Variants in MGAT4C observed in about 807,000 individuals in gnomAD.
MGAT4C encodes alpha-1,3-mannosyl-glycoprotein 4-beta-N-acetylglucosaminyltransferase C.
MGAT4C carries 19 observed loss-of-function variants against 40.1 expected under a neutral mutation model. The ratio of observed to expected loss-of-function variants is 0.47; its 90% CI spans 0.33 to 0.70. The LOEUF is 0.70. MGAT4C is among the 30% of genes least tolerant of loss of function. The pLI is 0.02. For synonymous variants in MGAT4C, 181 were observed against 187.1 expected (o/e 0.97, Z 0.27); for missense variants, 491 against 563.2 (o/e 0.87, Z 1.30).
chr12:86,180,761 A>C (rs1888025047), intron 1 of MGAT4C, among the ~76,000 whole-genome samples: 1 of 152,140 alleles, frequency 6.6e-6, no homozygotes, highest in African/African-American at 2.4e-5. Flanking sequence ...TATCTAGGAA[A>C]TAACTAGCTT....
At chr12:86,069,049 A>G (rs1275915319) in intron 1 of MGAT4C, among the ~76,000 whole-genome samples, 2 of 152,140 alleles carry the variant, frequency 1.3e-5, no homozygotes, top group African/African-American at 4.8e-5. Context: ...ATTTCTGTCT[A>G]AAGCAGATTG....
intron 2 of MGAT4C, among the ~76,000 whole-genome samples, chr12:86,491,413 T>G (rs1472804151): frequency 1.3e-5 from 2 of 152,032 alleles, no homozygotes; most frequent in Non-Finnish European, 2.9e-5. Flanking sequence ...ACTGGCAAAC[T>G]GAATCCAGCA....
intron 2 of MGAT4C, among the ~76,000 whole-genome samples, chr12:86,541,670 A>G (rs1959168294): frequency 1.3e-5 from 2 of 152,234 alleles, no homozygotes; most frequent in African/African-American, 4.8e-5. Flanking sequence ...TTGTATTTTA[A>G]GTTAAATGTT....
chr12:86,298,861 A>G (rs894303783), intron 4 of MGAT4C, among the ~76,000 whole-genome samples: 1 of 152,162 alleles, frequency 6.6e-6, no homozygotes, highest in African/African-American at 2.4e-5. Flanking sequence ...CAATCACTCA[A>G]TAAGTGGTTA....
At chr12:86,526,776 C>A (rs892229016) in intron 2 of MGAT4C, among the ~76,000 whole-genome samples, 4 of 152,232 alleles carry the variant, frequency 2.6e-5, no homozygotes, top group African/African-American at 9.6e-5. Flanking sequence ...ACACACCAAA[C>A]CGTTTGGGTT....
chr12:86,061,681 G>A (rs1229952178), intron 1 of MGAT4C, among the ~76,000 whole-genome samples: 2 of 152,042 alleles, frequency 1.3e-5, no homozygotes, highest in African/African-American at 2.4e-5. Context: ...GCTCGAGCTT[G>A]GTGAGGGAAG....
chr12:86,386,275 C>A (rs1468709052), intron 3 of MGAT4C, among the ~76,000 whole-genome samples: 1 of 152,132 alleles, frequency 6.6e-6, no homozygotes, highest in Non-Finnish European at 1.5e-5. Flanking sequence ...CCAGGGAATG[C>A]AGATGATACA....
intron 1 of MGAT4C, among the ~76,000 whole-genome samples, chr12:86,790,670 A>C (rs1593209851): frequency 6.6e-6 from 1 of 152,158 alleles, no homozygotes; most frequent in African/African-American, 2.4e-5. Context: ...AGTTTCATAC[A>C]GTATTGAGAA....
At chr12:86,416,212 T>C (rs998053203) in intron 3 of MGAT4C, among the ~76,000 whole-genome samples, 3 of 152,062 alleles carry the variant, frequency 2.0e-5, no homozygotes, top group Admixed American at 2.0e-4. Context: ...GTATTTTTTA[T>C]TCAAGTGAAG....
intron 1 of MGAT4C, among the ~76,000 whole-genome samples, chr12:86,774,549 A>G (rs1054690911): frequency 6.6e-6 from 1 of 151,922 alleles, no homozygotes; most frequent in Non-Finnish European, 1.5e-5. Flanking sequence ...CTGCATTCTC[A>G]AATGACTATA....
At chr12:86,792,898 T>C (rs1952050959) in intron 1 of MGAT4C, among the ~76,000 whole-genome samples, 1 of 152,154 alleles carries the variant, frequency 6.6e-6, no homozygotes. Context: ...GCCACTGCAC[T>C]CCAGCCTGGA....
At chr12:86,087,836 A>G (rs1337529896) in intron 1 of MGAT4C, among the ~76,000 whole-genome samples, 1 of 152,046 alleles carries the variant, frequency 6.6e-6, no homozygotes, top group Non-Finnish European at 1.5e-5. Context: ...TGCTATTCCT[A>G]TCAAACTAAC....
intron 2 of MGAT4C, among the ~76,000 whole-genome samples, chr12:86,709,768 C>G (rs928790550): frequency 6.6e-6 from 1 of 152,124 alleles, no homozygotes; most frequent in South Asian, 2.1e-4. Flanking sequence ...CTAAAGGGAC[C>G]TTGAGAGTCT....
chr12:86,492,475 C>A (rs888072458), intron 2 of MGAT4C, among the ~76,000 whole-genome samples: 6 of 151,990 alleles, frequency 3.9e-5, no homozygotes, highest in Admixed American at 1.3e-4. Flanking sequence ...AGAACAGAGC[C>A]CTCAGAAATA....
At chr12:86,511,781 T>C (rs1958592317) in intron 2 of MGAT4C, among the ~76,000 whole-genome samples, 1 of 152,078 alleles carries the variant, frequency 6.6e-6, no homozygotes, top group Admixed American at 6.6e-5. Context: ...AGGCTTAAAA[T>C]AACAAAATCC....
chr12:86,604,805 T>A (rs1356967825), intron 2 of MGAT4C, among the ~76,000 whole-genome samples: 1 of 152,066 alleles, frequency 6.6e-6, no homozygotes, highest in African/African-American at 2.4e-5. Flanking sequence ...AAGATAGAAT[T>A]AAAAATAAAA....
chr12:86,542,413 A>G (rs1371259699), intron 2 of MGAT4C, among the ~76,000 whole-genome samples: 1 of 152,166 alleles, frequency 6.6e-6, no homozygotes, highest in African/African-American at 2.4e-5. Flanking sequence ...AACCAAACCA[A>G]AGGAAGTATC....
In MGAT4C at chr12:86,821,129, A is replaced by T. The variant is rs1163625135; in HGVS notation, c.-262+17537T>A. Among the ~76,000 whole-genome samples the T allele has an allele frequency of 3.3e-5, 5 of 150,960 alleles. No individual in the cohort carries two copies. The Admixed American group carries it at 3.3e-4, about 10-fold the overall frequency. On this transcript the variant is annotated intron_variant, in intron 1 of 7. Coordinates refer to the MGAT4C transcript ENST00000548651. ...ATTACTTTTATTTAGCTTAGTCATT[A>T]AAGAATGAGTGTGTATGTAATACAT...
intron 1 of MGAT4C, among the ~76,000 whole-genome samples, chr12:86,800,626 T>G (rs1483004553): frequency 6.6e-6 from 1 of 151,838 alleles, no homozygotes; most frequent in Admixed American, 6.6e-5. Flanking sequence ...AATAGGATAT[T>G]TGAAATGGAT....
Sources: allele counts gnomAD v4.1 joint callset (sites outside exome capture counted in the v4.1 genomes callset), GRCh38; gene constraint gnomAD v4.1.1; transcripts MANE v1.5; gene names NCBI Gene and HGNC (gene_info 2026-07-23, HGNC 2026-07-21).